RORA: variants seen among roughly 807,000 people sequenced by gnomAD.
RORA encodes the protein RAR related orphan receptor A.
RORA carries 7 observed loss-of-function variants against 69.5 expected under a neutral mutation model. That is an observed-to-expected ratio of 0.10 (90% CI 0.06 to 0.19). The LOEUF (loss-of-function observed/expected upper bound fraction) is 0.19. Among genes scored for constraint, RORA ranks in the 10% least tolerant of loss-of-function variants. RORA has a pLI of 1.00. For missense variants in RORA, 457 were observed against 663.0 expected (o/e 0.69, Z 3.41); for synonymous variants, 261 against 240.8 (o/e 1.08, Z -0.78).
intron 1 of RORA, among the ~76,000 whole-genome samples, chr15:60,795,151 C>T (rs1260815203): frequency 3.9e-5 from 6 of 152,042 alleles, no homozygotes; most frequent in East Asian, 1.9e-4. Flanking sequence ...CCTCAGGAAC[C>T]GGGAAAAAGA....
At chr15:60,805,012 GAC>G (rs1350626025) in intron 1 of RORA, among the ~76,000 whole-genome samples, 3 of 152,276 alleles carry the variant, frequency 2.0e-5, no homozygotes, top group Non-Finnish European at 2.9e-5. Context: ...TGGCTTCCCA[GAC>G]ACAGTTTTTA....
At chr15:61,126,847 C>T (rs2079146886) in intron 1 of RORA, among the ~76,000 whole-genome samples, 1 of 152,184 alleles carries the variant, frequency 6.6e-6, no homozygotes, top group African/African-American at 2.4e-5. Flanking sequence ...CACCACAAAG[C>T]AAGATAAAAC....
chr15:60,926,939 C>T (rs1293023553), intron 1 of RORA, among the ~76,000 whole-genome samples: 1 of 152,172 alleles, frequency 6.6e-6, no homozygotes, highest in Non-Finnish European at 1.5e-5. Flanking sequence ...CTACCTGGCT[C>T]TTGAGATTTG....
At chr15:60,900,971 A>C (rs767279380) in intron 1 of RORA, among the ~76,000 whole-genome samples, 2 of 152,140 alleles carry the variant, frequency 1.3e-5, no homozygotes, top group Non-Finnish European at 2.9e-5. Context: ...TGCCCCTGAC[A>C]CATACTACTT....
rs1891617903 is a variant in RORA at position 60,908,769 on chromosome 15, T to G, written c.167-230083A>C. 2.0e-5 allele frequency among the ~76,000 whole-genome samples: 3 copies of G among 152,342 alleles called. No homozygotes were observed. In the South Asian group the frequency reaches 6.2e-4, roughly 32 times the overall value. ...ATTACCCCCACAGAAAGCGTGGTTC[T>G]GCCAACTGAACATTGTGCCAGATAC... is the stretch of plus-strand genomic sequence containing the variant. On this transcript the variant is annotated intron_variant, in intron 1 of 10. Coordinates refer to ENST00000335670, the MANE Select transcript of RORA (RefSeq NM_134261.3).
intron 1 of RORA, among the ~76,000 whole-genome samples, chr15:61,081,759 G>A (rs1278135003): frequency 6.8e-6 from 1 of 146,176 alleles, no homozygotes; most frequent in African/African-American, 2.6e-5. Context: ...AGTGAGCCGA[G>A]ATCACGCCAC....
chr15:60,568,560 A>G (rs954689533), intron 2 of RORA, among the ~76,000 whole-genome samples: 2 of 152,182 alleles, frequency 1.3e-5, no homozygotes, highest in African/African-American at 4.8e-5. Context: ...GCACTGGGGA[A>G]GTCTAGTCGA....
At chr15:60,672,944 A>G (rs1405713375) in intron 2 of RORA, among the ~76,000 whole-genome samples, 8 of 152,212 alleles carry the variant, frequency 5.3e-5, no homozygotes, top group African/African-American at 1.9e-4. Context: ...TTTTTAAAAA[A>G]TCAATCTAAT....
chr15:60,820,269 T>A (rs2072876652), intron 1 of RORA, among the ~76,000 whole-genome samples: 1 of 152,160 alleles, frequency 6.6e-6, no homozygotes, highest in Non-Finnish European at 1.5e-5. Context: ...CTATTTTTTT[T>A]AACCCAAAGG....
chr15:61,067,103 A>G (rs1056068144), intron 1 of RORA, among the ~76,000 whole-genome samples: 3 of 151,254 alleles, frequency 2.0e-5, no homozygotes, highest in African/African-American at 7.3e-5. Context: ...GCATTAGTCT[A>G]AACTTTTTTT....
intron 1 of RORA, among the ~76,000 whole-genome samples, chr15:60,683,665 C>CACAA (rs2070691432): frequency 6.6e-6 from 1 of 151,858 alleles, no homozygotes; most frequent in Non-Finnish European, 1.5e-5. Flanking sequence ...CACACACACA[C>CACAA]ACACACACAC....
intron 1 of RORA, among the ~76,000 whole-genome samples, chr15:61,093,042 C>CT (rs2078731527): frequency 6.6e-6 from 1 of 151,988 alleles, no homozygotes; most frequent in South Asian, 2.1e-4. Context: ...GCTTCTTCCT[C>CT]TATCTGCTGT....
At chr15:60,979,310 T>C (rs547371112) in intron 1 of RORA, among the ~76,000 whole-genome samples, 12 of 143,906 alleles carry the variant, frequency 8.3e-5, no homozygotes, top group Non-Finnish European at 1.8e-4. Context: ...ATTTTGGCTA[T>C]CCAATGTCCC....
chr15:60,850,414 C>T (rs532897642), intron 1 of RORA, among the ~76,000 whole-genome samples: 2 of 152,056 alleles, frequency 1.3e-5, no homozygotes, highest in Non-Finnish European at 2.9e-5. Flanking sequence ...AGCGGGGGGT[C>T]AGATGGTACC....
chr15:60,847,723 T>C (rs987292843), intron 1 of RORA: 1 of 152,190 alleles, frequency 6.6e-6, no homozygotes, highest in African/African-American at 2.4e-5. Flanking sequence ...TCCATATTGA[T>C]ACCACGTTGA....
chr15:60,577,523 A>C (rs1277036138), intron 2 of RORA, among the ~76,000 whole-genome samples: 1 of 151,906 alleles, frequency 6.6e-6, no homozygotes, highest in Non-Finnish European at 1.5e-5. Context: ...GCGTGTCTGT[A>C]ATGTCAGCTA....
chr15:60,687,613 C>G (rs2414679), intron 1 of RORA, among the ~76,000 whole-genome samples: 60,851 of 151,992 alleles, frequency 0.4, 12,520 homozygotes, highest in East Asian at 0.48. Context: ...CATTAGCTAG[C>G]CATGGTGGCG....
intron 2 of RORA, among the ~76,000 whole-genome samples, chr15:60,629,107 T>G (rs930822723): frequency 1.3e-5 from 2 of 151,436 alleles, no homozygotes; most frequent in African/African-American, 4.8e-5. Flanking sequence ...TAAGATAGGC[T>G]CCACCTGCCA....
intron 1 of RORA, among the ~76,000 whole-genome samples, chr15:60,996,842 G>A (rs891502967): frequency 9.2e-5 from 14 of 152,062 alleles, no homozygotes; most frequent in South Asian, 2.1e-4. Context: ...CCCAGGAGGC[G>A]GAGCTTGCAG....
Sources: gnomAD v4.1 joint callset for allele counts (sites outside exome capture counted in the v4.1 genomes callset) on GRCh38, gnomAD v4.1.1 for gene constraint, MANE v1.5 for transcripts, NCBI Gene and HGNC (gene_info 2026-07-23, HGNC 2026-07-21) for gene names.